Variants in PALS2 observed in about 807,000 individuals in gnomAD.
PALS2 encodes the protein protein PALS2.
In PALS2, 27 loss-of-function variants were observed where a neutral mutation model predicts 61.6. The observed-to-expected ratio is 0.44, with a 90% CI of 0.32 to 0.60. The LOEUF (loss-of-function observed/expected upper bound fraction) is 0.60, where lower values mean the gene tolerates loss of function less well. Among genes scored for constraint, PALS2 ranks in the 20% least tolerant of loss-of-function variants. The pLI is 0.05. For missense variants in PALS2, 554 were observed against 639.4 expected (o/e 0.87, Z 1.44); for synonymous variants, 236 against 218.6 (o/e 1.08, Z -0.70).
intron 1 of PALS2, among the ~76,000 whole-genome samples, chr7:24,621,122 A>G (rs1366024705): frequency 1.3e-5 from 2 of 152,120 alleles, no homozygotes; most frequent in Non-Finnish European, 2.9e-5. Context: ...CAAAATTACT[A>G]AGTAGCTTAG....
chr7:24,584,700 C>A (rs1023097580), intron 1 of PALS2, among the ~76,000 whole-genome samples: 1 of 151,974 alleles, frequency 6.6e-6, no homozygotes, highest in African/African-American at 2.4e-5. Flanking sequence ...TCTTTTGTTG[C>A]CATTGCTTTT....
chr7:24,641,901 C>A, intron 3 of PALS2, 33 bp downstream of exon 3: 1 of 1,590,410 alleles, frequency 6.3e-7, no homozygotes, highest in East Asian at 2.2e-5. Context: ...TCTCAAGTTC[C>A]CTGTATTCCC....
At chr7:24,595,522 T>TAA in intron 1 of PALS2, among the ~76,000 whole-genome samples, 1 of 130,874 alleles carries the variant, frequency 7.6e-6, no homozygotes. Flanking sequence ...ATATAATATA[T>TAA]ATAATATATA....
chr7:24,603,122 C>A (rs958876846), intron 1 of PALS2, among the ~76,000 whole-genome samples: 1 of 152,150 alleles, frequency 6.6e-6, no homozygotes, highest in Non-Finnish European at 1.5e-5. Context: ...AGGAAGTGAG[C>A]CAGCACCTTG....
In PALS2 at chr7:24,687,624, A is replaced by G. The variant is rs777049978; in HGVS notation, c.*10A>G. 5.1e-6 allele frequency: 8 copies of G among 1,578,402 alleles called. No individual in the cohort carries two copies. The South Asian group carries it at 9.5e-5, about 19-fold the overall frequency. ...CAGCTGGGTTTACTGATGATTCAGT[A>G]AGGTTAACAATGAAAATTAAACTCT... On this transcript the variant is annotated 3_prime_UTR_variant, in exon 12 of 12. Coordinates refer to ENST00000222644, the MANE Select transcript of PALS2 (RefSeq NM_001303037.2). This position sits in a 1 kb window ranked among gnomAD's most constrained non-coding sequence, Gnocchi z 4.5.
intron 9 of PALS2, among the ~76,000 whole-genome samples, chr7:24,677,685 T>A (rs1217272366): frequency 1.3e-5 from 2 of 152,206 alleles, no homozygotes; most frequent in East Asian, 3.9e-4. Context: ...TATTGAGAAG[T>A]TTTATTATAC....
intron 1 of PALS2, among the ~76,000 whole-genome samples, chr7:24,613,853 T>A (rs1298196927): frequency 1.3e-5 from 2 of 152,004 alleles, no homozygotes; most frequent in Non-Finnish European, 2.9e-5. Context: ...TTTAACTTTC[T>A]GTTCCTGATT....
At chr7:24,639,814 A>ATTTTTTTTTTT (rs61073575) in intron 2 of PALS2, among the ~76,000 whole-genome samples, 9 of 96,246 alleles carry the variant, frequency 9.4e-5, no homozygotes, top group African/African-American at 4.1e-4. Flanking sequence ...TTCTAGTCTA[A>ATTTTTTTTTTT]TTTTTTTTTT....
chr7:24,647,792 A>G (rs186367626), intron 3 of PALS2, among the ~76,000 whole-genome samples: 2 of 152,272 alleles, frequency 1.3e-5, no homozygotes, highest in Admixed American at 1.3e-4. Context: ...TTGTGGATCT[A>G]TGGATTTTTT....
At chr7:24,666,331 TTTTG>T (rs1329547968) in intron 8 of PALS2, among the ~76,000 whole-genome samples, 2 of 152,336 alleles carry the variant, frequency 1.3e-5, no homozygotes, top group East Asian at 1.9e-4. Context: ...TGGTTAAGAT[TTTTG>T]TTTGTCTTAA....
rs1785353624 is a variant in PALS2, at chr7:24,638,416, C to T, written c.118-3300C>T. 4.6e-5 allele frequency among the ~76,000 whole-genome samples: 3 copies of T among 65,486 alleles called. 1 individual carries two copies. The highest frequency in any genetic ancestry group is 2.2e-3 in the East Asian group (2 of 904). 43.0% of individuals were successfully genotyped at this position (65,486 alleles called of 152,430 possible). Reference sequence around the variant, plus strand: ...CGGGATCTCGGCTCACTGCAAGCTCCGCCTCCCGGGTTCACGCCATTCTCC... The same window carrying T: ...CGGGATCTCGGCTCACTGCAAGCTCTGCCTCCCGGGTTCACGCCATTCTCC... On this transcript the variant is annotated intron_variant, in intron 2 of 11. Coordinates refer to ENST00000222644, the MANE Select transcript of PALS2 (RefSeq NM_001303037.2).
intron 1 of PALS2, among the ~76,000 whole-genome samples, chr7:24,579,980 T>C (rs1032212538): frequency 6.6e-6 from 1 of 152,074 alleles, no homozygotes; most frequent in African/African-American, 2.4e-5. Flanking sequence ...TGTGGGACTT[T>C]TAAAGAAAAA....
At chr7:24,651,782 C>T (rs1226118964) in intron 5 of PALS2, among the ~76,000 whole-genome samples, 1 of 152,092 alleles carries the variant, frequency 6.6e-6, no homozygotes, top group East Asian at 1.9e-4. Flanking sequence ...TAAGATACTG[C>T]CAGTGTATCT....
intron 2 of PALS2, among the ~76,000 whole-genome samples, chr7:24,635,117 G>A (rs1414768670): frequency 6.6e-6 from 1 of 152,138 alleles, no homozygotes; most frequent in African/African-American, 2.4e-5. Context: ...TGTCACTTAG[G>A]ATTCCAGTAG....
chr7:24,633,292 T>C (rs965426776), intron 2 of PALS2, among the ~76,000 whole-genome samples: 1 of 114,502 alleles, frequency 8.7e-6, no homozygotes, highest in African/African-American at 4.4e-5. Context: ...AAAAAGTCCT[T>C]TTTTTTTTTA....
chr7:24,680,461 A>T lies in PALS2; in HGVS notation c.1387A>T (p.Thr463Ser), dbSNP rs1787861444. ...ATTTATTGCGGCTCCGGAGCTAGAG[A>T]CGTTACGTGCCATGCACAAGGCTGT... is the stretch of plus-strand genomic sequence containing the variant. ...VVFIAAPELE[T>S]LRAMHKAVVD... is the part of the protein sequence containing the mutation. Residue 463 changes from threonine to serine, a missense_variant, in exon 11 of 12, where the codon ACG becomes TCG. Transcript: ENST00000222644. 1 of 1,613,950 alleles carries T rather than the reference A, an allele frequency of 6.2e-7. No homozygotes were observed. Among genetic ancestry groups the T allele is most frequent in the African/African-American group, 1.3e-5 (1 of 74,936 alleles).
At chr7:24,630,079 A>G (rs945646706) in intron 2 of PALS2, among the ~76,000 whole-genome samples, 3 of 152,208 alleles carry the variant, frequency 2.0e-5, no homozygotes, top group Non-Finnish European at 4.4e-5. Flanking sequence ...AACCAACCCA[A>G]ATGCCCATCA....
chr7:24,663,459 G>C, intron 5 of PALS2, 131 bp from the exon 6 acceptor site: 1 of 843,052 alleles, frequency 1.2e-6, no homozygotes, highest in East Asian at 3.3e-5. Flanking sequence ...ATTTATGAGA[G>C]ACAAGTTCAT....
At chr7:24,578,870 C>G (rs1457326814) in intron 1 of PALS2, among the ~76,000 whole-genome samples, 1 of 152,104 alleles carries the variant, frequency 6.6e-6, no homozygotes, top group African/African-American at 2.4e-5. Context: ...ATCTTGAAAT[C>G]TGAAGTATCT....
Sources: gnomAD v4.1 joint callset for allele counts (sites outside exome capture counted in the v4.1 genomes callset) on GRCh38, gnomAD v4.1.1 for gene constraint, Gnocchi (gnomAD v3.1) non-coding constraint, MANE v1.5 for transcripts, NCBI Gene and HGNC (gene_info 2026-07-23, HGNC 2026-07-21) for gene names.